PIWIL3: variants seen among roughly 807,000 people sequenced by gnomAD.
The protein encoded by PIWIL3 is piwi like RNA-mediated gene silencing 3.
Under a neutral mutation model 109.7 loss-of-function variants are expected in PIWIL3, and 101 were observed. The ratio of observed to expected loss-of-function variants is 0.92; its 90% CI spans 0.78 to 1.09. PIWIL3 has a LOEUF of 1.09. Among genes scored for constraint, PIWIL3 ranks in the 50% least tolerant of loss-of-function variants. PIWIL3 has a pLI of 0.00. For missense variants in PIWIL3, 1,031 were observed against 1,072.6 expected, an observed-to-expected ratio of 0.96 and a Z score of 0.54; for synonymous variants, 373 against 376.4, an observed-to-expected ratio of 0.99 and a Z score of 0.10.
chr22:24,763,748 C>A (rs1925598360), intron 1 of PIWIL3, among the ~76,000 whole-genome samples: 1 of 152,050 alleles, frequency 6.6e-6, no homozygotes, highest in African/African-American at 2.4e-5. Flanking sequence ...AGCAAGGAGC[C>A]CAGGTGCCCC....
At chr22:24,753,005 T>G (rs1233993167) in intron 8 of PIWIL3, among the ~76,000 whole-genome samples, 1 of 152,246 alleles carries the variant, frequency 6.6e-6, no homozygotes, top group Non-Finnish European at 1.5e-5. Flanking sequence ...AGATCTTTTG[T>G]CCATTTTAAA....
chr22:24,752,076 T>G (rs377204635), intron 8 of PIWIL3, among the ~76,000 whole-genome samples: 2 of 152,278 alleles, frequency 1.3e-5, no homozygotes, highest in African/African-American at 4.8e-5. Context: ...ATTTCTCTTG[T>G]GTATTTAAGT....
chr22:24,728,145 A>C, intron 15 of PIWIL3, 32 bp downstream of exon 15: 3 of 1,609,894 alleles, frequency 1.9e-6, no homozygotes, highest in Non-Finnish European at 2.6e-6. Context: ...TATTAGAAGT[A>C]AGTTAAACGA....
intron 12 of PIWIL3, among the ~76,000 whole-genome samples, chr22:24,742,549 T>C (rs1443156167): frequency 6.6e-6 from 1 of 152,114 alleles, no homozygotes; most frequent in Non-Finnish European, 1.5e-5. Context: ...GTATAAAAAA[T>C]AGGCACATAG....
chr22:24,763,645 G>C (rs568228862), intron 1 of PIWIL3, among the ~76,000 whole-genome samples: 28 of 152,246 alleles, frequency 1.8e-4, no homozygotes, highest in African/African-American at 6.5e-4. Context: ...CTTCCACACA[G>C]AGACTCACAA....
At chr22:24,742,548 A>G (rs1924072565) in intron 12 of PIWIL3, among the ~76,000 whole-genome samples, 1 of 152,240 alleles carries the variant, frequency 6.6e-6, no homozygotes, top group South Asian at 2.1e-4. Flanking sequence ...GGTATAAAAA[A>G]TAGGCACATA....
At chr22:24,757,659 TACAC>T (rs57298578) in intron 4 of PIWIL3, among the ~76,000 whole-genome samples, 3,800 of 109,592 alleles carry the variant, frequency 0.035, 96 homozygotes, top group African/African-American at 0.051. Flanking sequence ...ATGTATATAT[TACAC>T]ACACACACAC....
intron 1 of PIWIL3, among the ~76,000 whole-genome samples, chr22:24,766,419 C>T (rs1481073163): frequency 2.0e-5 from 3 of 151,806 alleles, no homozygotes; most frequent in East Asian, 1.9e-4. Flanking sequence ...GCTGGGTTCA[C>T]GCCATTCTCC....
intron 12 of PIWIL3, among the ~76,000 whole-genome samples, chr22:24,737,901 C>G (rs541751585): frequency 6.6e-6 from 1 of 152,322 alleles, no homozygotes; most frequent in South Asian, 2.1e-4. Context: ...TGGCTCACGC[C>G]TGGAATCCCA....
intron 14 of PIWIL3, 155 bp from the exon 15 acceptor site, chr22:24,728,529 G>T: frequency 1.6e-6 from 1 of 640,350 alleles, no homozygotes; most frequent in Non-Finnish European, 2.5e-6. Flanking sequence ...AGGGTCTAGA[G>T]CCATGTTATT....
Position 24,755,776 on chromosome 22 carries a change from T to C in PIWIL3, c.692+8A>G. On this transcript the variant is annotated splice_region_variant and intron_variant, in intron 6 of 20. Transcript: ENST00000616349. ...GAGTATCAAAGAAACTCAACCCCGG[T>C]AACATACCTTCTAAAGAGAATGTTG... 1 of 1,613,924 alleles carries C rather than the reference T, an allele frequency of 6.2e-7. No individual in the cohort carries two copies. Among genetic ancestry groups the C allele is most frequent in the South Asian group, 1.1e-5 (1 of 91,074 alleles).
At chr22:24,733,069 T>C (rs1263428880) in intron 14 of PIWIL3, among the ~76,000 whole-genome samples, 1 of 152,180 alleles carries the variant, frequency 6.6e-6, no homozygotes, top group Non-Finnish European at 1.5e-5. Context: ...GATTTCAAAA[T>C]GCAGACATTA....
intron 12 of PIWIL3, among the ~76,000 whole-genome samples, chr22:24,744,788 A>T (rs1924256410): frequency 6.6e-6 from 1 of 152,200 alleles, no homozygotes; most frequent in Admixed American, 6.5e-5. Flanking sequence ...CCCCAATACG[A>T]TAATAGCTGG....
Position 24,728,199 on chromosome 22 carries a change from G to GT in PIWIL3, c.1882_1883insA (p.Ala628AspfsTer18). ...TACGTCTGTCTCCACCTTCCAGAGG[G>GT]CTCCTCCCATCTTGCAATTCATCTG... On this transcript the variant is annotated frameshift_variant, in exon 15 of 21. Transcript: ENST00000616349. LOFTEE classifies it high-confidence loss of function. 1 of 1,614,180 alleles carries GT rather than the reference G, an allele frequency of 6.2e-7. No individual in the cohort carries two copies. The highest frequency in any genetic ancestry group is 8.5e-7 in the Non-Finnish European group (1 of 1,180,042).
At chr22:24,752,434 T>A (rs1924765420) in intron 8 of PIWIL3, among the ~76,000 whole-genome samples, 1 of 152,156 alleles carries the variant, frequency 6.6e-6, no homozygotes, top group Non-Finnish European at 1.5e-5. Context: ...ATGGCCAGCC[T>A]CTTCGCAGGC....
chr22:24,721,078 C>T (rs889749051), intron 19 of PIWIL3, among the ~76,000 whole-genome samples: 4 of 152,090 alleles, frequency 2.6e-5, no homozygotes, highest in African/African-American at 9.7e-5. Context: ...TCCTGAAATA[C>T]AGTCTTTTTG....
intron 4 of PIWIL3, among the ~76,000 whole-genome samples, chr22:24,757,091 AAAAAAAAAAAAG>A (rs1925088211): frequency 6.7e-6 from 1 of 149,848 alleles, no homozygotes; most frequent in Non-Finnish European, 1.5e-5. Flanking sequence ...AAAAAAAAAA[AAAAAAAAAAAAG>A]AAAAGAAAAG....
At chr22:24,745,378 C>G (rs756402652) in intron 12 of PIWIL3, among the ~76,000 whole-genome samples, 10 of 152,170 alleles carry the variant, frequency 6.6e-5, no homozygotes, top group Middle Eastern at 3.4e-3. Flanking sequence ...GGGCAGATCA[C>G]TTGAGGTCAG....
At position 24,728,569 on chromosome 22, in the gene PIWIL3, GTATT is replaced by G. The variant is rs763535869; in HGVS notation, c.1708-199_1708-196del. Among the ~76,000 whole-genome samples the G allele has an allele frequency of 3.3e-5, 5 of 152,180 alleles. No individual in the cohort carries two copies. The East Asian group carries it at 5.8e-4, about 18-fold the overall frequency. ...ATAACATAATTATATCAACTTATAT[GTATT>G]TATTAGAAAATTATTACATTAGTTA... On this transcript the variant is annotated intron_variant, in intron 14 of 20. Coordinates refer to ENST00000616349, the MANE Select transcript of PIWIL3 (RefSeq NM_001255975.1).
Sources: allele counts gnomAD v4.1 joint callset (sites outside exome capture counted in the v4.1 genomes callset), GRCh38; gene constraint gnomAD v4.1.1; transcripts MANE v1.5; gene names NCBI Gene and HGNC (gene_info 2026-07-23, HGNC 2026-07-21).